The following LRRC9 variants were observed in gnomAD, a reference collection of about 807,000 sequenced individuals.
LRRC9 encodes leucine rich repeat containing 9, also known as leucine-rich repeat-containing protein 9.
In LRRC9, 122 loss-of-function variants were observed where a neutral mutation model predicts 63.2. The ratio of observed to expected loss-of-function variants is 1.93; its 90% CI spans 1.67 to 2.24. The LOEUF (loss-of-function observed/expected upper bound fraction) is 2.24. Among genes scored for constraint, LRRC9 ranks in the 30% most tolerant of loss-of-function variants. The pLI, the probability that LRRC9 is intolerant of heterozygous loss-of-function variation, is 0.00. For synonymous variants in LRRC9, 366 were observed against 213.1 expected (o/e 1.72, Z -6.25); for missense variants, 1,071 against 627.7 (o/e 1.71, Z -7.55).
chr14:59,947,585 G>C (rs1017743083), intron 8 of LRRC9, among the ~76,000 whole-genome samples: 10 of 134,030 alleles, frequency 7.5e-5, no homozygotes, highest in African/African-American at 2.9e-4. Flanking sequence ...CCTTGCCCAC[G>C]CCTATGTCCT....
At chr14:59,944,214 A>C (rs78184766) in intron 7 of LRRC9, among the ~76,000 whole-genome samples, 2,177 of 152,006 alleles carry the variant, frequency 0.014, 53 homozygotes, top group East Asian at 0.058. Flanking sequence ...TTATTAATTT[A>C]TTTTATTCCC....
At chr14:60,001,728 T>A (rs1889381545) in intron 19 of LRRC9, among the ~76,000 whole-genome samples, 1 of 146,222 alleles carries the variant, frequency 6.8e-6, no homozygotes, top group Non-Finnish European at 1.5e-5. Context: ...CATATTATAG[T>A]AATCATTTTA....
rs1886286045 is a variant in LRRC9, at chr14:59,976,357, G to A, written c.1640-868G>A. ...GAAACCAGTCCCTGGTGCCAAAAAG[G>A]TTGGAGACCACTGTACTAAAGATTG... On this transcript the variant is annotated intron_variant, in intron 13 of 31. Coordinates refer to ENST00000445360, the Ensembl canonical transcript of LRRC9. Among the ~76,000 whole-genome samples, 3 of 152,192 alleles carry A rather than the reference G, an allele frequency of 2.0e-5. No homozygotes were observed. In the South Asian group the frequency reaches 6.2e-4, roughly 32 times the overall value.
chr14:59,936,666 T>C lies in LRRC9; in HGVS notation c.544-1724T>C, dbSNP rs1236010518. 6.6e-6 allele frequency among the ~76,000 whole-genome samples: 1 copy of C among 152,184 alleles called. No homozygotes were observed. On this transcript the variant is annotated intron_variant, in intron 6 of 31. Transcript: ENST00000445360. This position sits in a 1 kb window ranked among gnomAD's most constrained non-coding sequence, Gnocchi z 4.2. ...CTTGCCCCTGCAGAATTTGACCAAA[T>C]AATTCTCTGCACAGCTCTGTCCATA...
rs2139976790 is a variant in LRRC9 at position 59,962,100 on chromosome 14, G to A, written c.1211+1055G>A. ...AGTCCCCTGATTTCTATTAGACATGGCTTTTTTCTCACCTCTGTGAGTAAA... is the reference window on the plus strand; with the variant it reads ...AGTCCCCTGATTTCTATTAGACATGACTTTTTTCTCACCTCTGTGAGTAAA... On this transcript the variant is annotated intron_variant, in intron 10 of 31. Coordinates refer to ENST00000445360, the Ensembl canonical transcript of LRRC9. This position sits in a 1 kb window ranked among gnomAD's most constrained non-coding sequence, Gnocchi z 5.1. Among the ~76,000 whole-genome samples, 1 of 152,232 alleles carries A rather than the reference G, an allele frequency of 6.6e-6. No homozygotes were observed. Among genetic ancestry groups the A allele is most frequent in the South Asian group, 2.1e-4 (1 of 4,814 alleles).
intron 17 of LRRC9, among the ~76,000 whole-genome samples, chr14:59,995,033 C>T (rs1326988065): frequency 1.3e-5 from 2 of 151,656 alleles, no homozygotes; most frequent in African/African-American, 2.4e-5. Context: ...ATAAATGTAT[C>T]GTTGTTACAG....
intron 29 of LRRC9, among the ~76,000 whole-genome samples, chr14:60,043,132 G>T (rs565864036): frequency 1.9e-4 from 29 of 152,054 alleles, no homozygotes; most frequent in African/African-American, 7.0e-4. Flanking sequence ...ATTGATTTTT[G>T]TATGTTGACT....
chr14:59,996,829 C>T (rs1168025492), intron 17 of LRRC9, among the ~76,000 whole-genome samples: 1 of 152,112 alleles, frequency 6.6e-6, no homozygotes, highest in African/African-American at 2.4e-5. Context: ...TTCCAAAAAC[C>T]TGTTCTGAAA....
intron 12 of LRRC9, among the ~76,000 whole-genome samples, chr14:59,972,184 T>G (rs1444419254): frequency 6.6e-6 from 1 of 152,144 alleles, no homozygotes; most frequent in Non-Finnish European, 1.5e-5. Context: ...TTTTACCCTG[T>G]AACAGACTTA....
At chr14:60,008,886 T>C (rs550087646) in intron 23 of LRRC9, among the ~76,000 whole-genome samples, 7 of 152,192 alleles carry the variant, frequency 4.6e-5, no homozygotes, top group Non-Finnish European at 7.3e-5. Flanking sequence ...TATTCTGAGG[T>C]ACTCCAAGAA....
In LRRC9 at chr14:59,938,948, T is replaced by TATATACAC. The variant is rs1386344019; in HGVS notation, c.726+377_726+378insTATACACA. Reference sequence around the variant, plus strand: ...ATATATACACATATATACATATACATACATATATACACACATATATACATA... The same window carrying TATATACAC: ...ATATATACACATATATACATATACATATATACACACATATATACACACATATATACATA... On this transcript the variant is annotated intron_variant, in intron 7 of 31. Transcript: ENST00000445360. This position sits in a 1 kb window ranked among gnomAD's most constrained non-coding sequence, Gnocchi z 4.2. 4.8e-3 allele frequency among the ~76,000 whole-genome samples: 699 copies of TATATACAC among 144,686 alleles called. 6 individuals carry two copies. The highest frequency in any genetic ancestry group is 0.015 in the African/African-American group (573 of 39,248). The allele number at this position is 144,686 out of a possible 152,430, so 94.9% of individuals were successfully genotyped here.
Position 59,966,843 on chromosome 14 carries a change from C to A in LRRC9, c.1388+78C>A, listed in dbSNP as rs1258668170. The A allele has an allele frequency of 8.8e-6, 5 of 568,610 alleles. No homozygotes were observed. The highest frequency in any genetic ancestry group is 1.9e-5 in the African/African-American group (1 of 53,570). The allele number at this position is 568,610 out of a possible 1,614,324, so 35.2% of individuals were successfully genotyped here. A position where few individuals can be genotyped will look rare whatever the true frequency, so the allele number is the denominator to read the frequency against. ...GTAAAATTTCTATTTTAAAAGTTTA[C>A]AGCATTAAAAATATACATATACCTT... On this transcript the variant is annotated intron_variant, in intron 11 of 31. Transcript: ENST00000445360. This position sits in a 1 kb window ranked among gnomAD's most constrained non-coding sequence, Gnocchi z 4.0.
Position 60,053,863 on chromosome 14 carries a change from G to A in LRRC9, c.4131+658G>A, listed in dbSNP as rs1183149897. ...CTAAATTTAACACAGAAAATCTATG[G>A]TTTTTGAACAGAGAAGTAACATTAT... On this transcript the variant is annotated intron_variant, in intron 30 of 31. Transcript: ENST00000445360. The surrounding 1 kb of genome is among the most constrained non-coding windows in gnomAD (Gnocchi z 4.8). The A allele has an allele frequency of 4.5e-6, 2 of 445,838 alleles. No homozygotes were observed. Among genetic ancestry groups the A allele is most frequent in the East Asian group, 7.0e-5 (1 of 14,318 alleles). 27.6% of individuals were successfully genotyped at this position (445,838 alleles called of 1,614,324 possible). A position where few individuals can be genotyped will look rare whatever the true frequency, so the allele number is the denominator to read the frequency against.
At chr14:59,935,599 CAGAG>C (rs1372842388) in intron 6 of LRRC9, among the ~76,000 whole-genome samples, 1 of 152,116 alleles carries the variant, frequency 6.6e-6, no homozygotes, top group Non-Finnish European at 1.5e-5. Context: ...CAAAAGAGAT[CAGAG>C]AGAGCTATGA....
At chr14:59,975,056 G>T (rs1885991049) in intron 13 of LRRC9, among the ~76,000 whole-genome samples, 1 of 19,890 alleles carries the variant, frequency 5.0e-5, no homozygotes, top group Non-Finnish European at 2.6e-4. Flanking sequence ...TATATATGCT[G>T]AACTAAACTA....
chr14:60,028,214 C>G (rs1342974259), intron 28 of LRRC9, 113 bp downstream of exon 28: 2 of 591,006 alleles, frequency 3.4e-6, no homozygotes, highest in Non-Finnish European at 6.0e-6. Context: ...TATTTATCAC[C>G]TATATACCAT....
rs1888893650 is a variant in LRRC9 at position 59,922,783 on chromosome 14, G to T, written c.-34+2900G>T. Among the ~76,000 whole-genome samples, 1 of 152,194 alleles carries T rather than the reference G, an allele frequency of 6.6e-6. No individual in the cohort carries two copies. Among genetic ancestry groups the T allele is most frequent in the Non-Finnish European group, 1.5e-5 (1 of 68,030 alleles). ...AGTGGTGAAAGTTTAGAATAGTAATGTCATGAATCTCGAGTCTCTAGTCCC... is the reference window on the plus strand; with the variant it reads ...AGTGGTGAAAGTTTAGAATAGTAATTTCATGAATCTCGAGTCTCTAGTCCC... On this transcript the variant is annotated intron_variant, in intron 1 of 31. Coordinates refer to ENST00000445360, the Ensembl canonical transcript of LRRC9. The surrounding 1 kb of genome is among the most constrained non-coding windows in gnomAD (Gnocchi z 5.3).
At chr14:59,974,979 T>C (rs1233005930) in intron 13 of LRRC9, among the ~76,000 whole-genome samples, 1 of 148,096 alleles carries the variant, frequency 6.8e-6, no homozygotes, top group Non-Finnish European at 1.5e-5. Flanking sequence ...GGGACATTTT[T>C]CACAGTCTGC....
intron 5 of LRRC9, 84 bp downstream of exon 5, chr14:59,931,766 C>A: frequency 1.6e-6 from 1 of 618,324 alleles, no homozygotes; most frequent in Non-Finnish European, 2.9e-6. Flanking sequence ...GATTTTTTTT[C>A]TTTTAGGCTT....
Sources: gnomAD v4.1 joint callset for allele counts (sites outside exome capture counted in the v4.1 genomes callset) on GRCh38, gnomAD v4.1.1 for gene constraint, Gnocchi (gnomAD v3.1) non-coding constraint, MANE v1.5 for transcripts, NCBI Gene and HGNC (gene_info 2026-07-23, HGNC 2026-07-21) for gene names.